Variants in PRKCE observed in about 807,000 individuals in gnomAD.
The protein encoded by PRKCE is protein kinase C epsilon type.
A neutral mutation model predicts 85.4 loss-of-function variants in PRKCE; 16 were observed. The observed-to-expected ratio is 0.19, with a 90% CI of 0.13 to 0.28. The LOEUF is 0.28. PRKCE is among the 10% of genes least tolerant of loss of function. PRKCE has a pLI of 1.00. For synonymous variants in PRKCE, 388 were observed against 371.5 expected (o/e 1.04, Z -0.51); for missense variants, 573 against 975.2 (o/e 0.59, Z 5.49).
At chr2:45,726,632 G>A (rs1040188869) in intron 1 of PRKCE, among the ~76,000 whole-genome samples, 2 of 152,160 alleles carry the variant, frequency 1.3e-5, no homozygotes, top group Non-Finnish European at 2.9e-5. Flanking sequence ...ATATTTTTAT[G>A]ACTTGCTTTA....
chr2:45,993,593 G>C (rs547445571), intron 6 of PRKCE, among the ~76,000 whole-genome samples: 7 of 152,294 alleles, frequency 4.6e-5, no homozygotes, highest in African/African-American at 1.4e-4. Context: ...CAACACCAGA[G>C]GGAGCTAGTG....
chr2:45,813,587 A>G (rs1688807563), intron 1 of PRKCE, among the ~76,000 whole-genome samples: 1 of 152,210 alleles, frequency 6.6e-6, no homozygotes, highest in South Asian at 2.1e-4. Flanking sequence ...CGTCTTTCAC[A>G]AAAGAGAAAA....
chr2:46,021,440 G>A (rs971280590), intron 10 of PRKCE, among the ~76,000 whole-genome samples: 3 of 152,194 alleles, frequency 2.0e-5, no homozygotes, highest in Non-Finnish European at 2.9e-5. Context: ...GGAGTCCAGA[G>A]GCAGTGGGGA....
chr2:45,668,991 G>C (rs1400903478), intron 1 of PRKCE, among the ~76,000 whole-genome samples: 1 of 151,958 alleles, frequency 6.6e-6, no homozygotes, highest in Non-Finnish European at 1.5e-5. Context: ...GCAACATTTG[G>C]GTTTCTTAGC....
At chr2:45,988,623 C>G (rs1408910914) in intron 6 of PRKCE, among the ~76,000 whole-genome samples, 1 of 152,196 alleles carries the variant, frequency 6.6e-6, no homozygotes, top group Non-Finnish European at 1.5e-5. Context: ...CAGAAAAATG[C>G]TGGCACAAAG....
chr2:46,052,400 A>G (rs11677820), intron 10 of PRKCE, among the ~76,000 whole-genome samples: 102,443 of 152,154 alleles, frequency 0.67, 36,741 homozygotes, highest in African/African-American at 0.92. Flanking sequence ...ATTCGCAAAG[A>G]CATCAAAAAG....
At chr2:45,962,047 A>G (rs528505660) in intron 2 of PRKCE, among the ~76,000 whole-genome samples, 8 of 152,230 alleles carry the variant, frequency 5.3e-5, no homozygotes, top group African/African-American at 1.9e-4. Context: ...CGCCTTTGCT[A>G]CCTGTTCCCA....
chr2:45,963,108 G>T (rs973114198), intron 2 of PRKCE, among the ~76,000 whole-genome samples: 3 of 152,078 alleles, frequency 2.0e-5, no homozygotes, highest in Non-Finnish European at 4.4e-5. Flanking sequence ...GTGCCCTGCC[G>T]TGGGGACTAG....
At chr2:45,883,392 C>T (rs906989980) in intron 2 of PRKCE, among the ~76,000 whole-genome samples, 2 of 152,226 alleles carry the variant, frequency 1.3e-5, no homozygotes, top group African/African-American at 4.8e-5. Context: ...CCCATTATAG[C>T]CCCTGCTGCT....
Position 45,923,241 on chromosome 2 carries a change from T to C in PRKCE, c.413-53188T>C, listed in dbSNP as rs527887635. ...TTCTAGAAAATACAGAAATTGTAAGTCCCTGGGTCCCTGGTATTGTGACAC... is the reference window on the plus strand; with the variant it reads ...TTCTAGAAAATACAGAAATTGTAAGCCCCTGGGTCCCTGGTATTGTGACAC... On this transcript the variant is annotated intron_variant, in intron 2 of 14. Coordinates refer to ENST00000306156, the MANE Select transcript of PRKCE (RefSeq NM_005400.3). Among the ~76,000 whole-genome samples, 12 of 152,310 alleles carry C rather than the reference T, an allele frequency of 7.9e-5. No individual in the cohort carries two copies. In the South Asian group the frequency reaches 2.5e-3, roughly 32 times the overall value.
chr2:45,945,377 T>C (rs1573977012), intron 2 of PRKCE, among the ~76,000 whole-genome samples: 1 of 150,682 alleles, frequency 6.6e-6, no homozygotes, highest in Non-Finnish European at 1.5e-5. Flanking sequence ...AGCGGGGAGG[T>C]GTCATACTCT....
intron 2 of PRKCE, among the ~76,000 whole-genome samples, chr2:45,950,798 G>C (rs1446182853): frequency 1.3e-5 from 2 of 152,100 alleles, no homozygotes; most frequent in Admixed American, 1.3e-4. Context: ...GAAGTGCTTG[G>C]GGACAGCAAC....
intron 1 of PRKCE, among the ~76,000 whole-genome samples, chr2:45,670,130 G>A (rs1676088669): frequency 6.6e-6 from 1 of 152,208 alleles, no homozygotes; most frequent in Non-Finnish European, 1.5e-5. Context: ...GCTAGCTGAA[G>A]AGGTGGCTCT....
At chr2:46,067,000 A>C (rs545727560) in intron 10 of PRKCE, among the ~76,000 whole-genome samples, 5 of 152,338 alleles carry the variant, frequency 3.3e-5, no homozygotes, top group African/African-American at 1.2e-4. Context: ...AGAACGGCTA[A>C]TAAAATTGTT....
At chr2:46,003,620 G>A (rs1351077985) in intron 7 of PRKCE, among the ~76,000 whole-genome samples, 1 of 152,166 alleles carries the variant, frequency 6.6e-6, no homozygotes, top group Non-Finnish European at 1.5e-5. Context: ...ACTATAAAAA[G>A]CTGAATAAGA....
intron 2 of PRKCE, among the ~76,000 whole-genome samples, chr2:45,921,510 T>A (rs1008086538): frequency 6.6e-6 from 1 of 152,254 alleles, no homozygotes; most frequent in African/African-American, 2.4e-5. Context: ...AGTTATGTAC[T>A]ATTATTGGCC....
rs372725082 is a variant in PRKCE at position 46,114,469 on chromosome 2, G to C, written c.1592+28107G>C. On this transcript the variant is annotated intron_variant, in intron 11 of 14. Coordinates refer to ENST00000306156, the MANE Select transcript of PRKCE (RefSeq NM_005400.3). ...GTCTTGCTCTGTCGCCCAGCCTGGA[G>C]TGCAGTGGCACAATGTCAGCTCACT... Among the ~76,000 whole-genome samples the C allele has an allele frequency of 1.4e-4, 18 of 130,846 alleles. No homozygotes were observed. In the East Asian group the frequency reaches 3.9e-3, roughly 29 times the overall value. 85.8% of individuals were successfully genotyped at this position (130,846 alleles called of 152,430 possible).
At chr2:45,923,593 G>A (rs1243822593) in intron 2 of PRKCE, among the ~76,000 whole-genome samples, 4 of 152,352 alleles carry the variant, frequency 2.6e-5, no homozygotes, top group East Asian at 1.9e-4. Context: ...CCTCAGCCCT[G>A]TCTTAGGTGC....
chr2:45,937,571 C>G (rs1230051840), intron 2 of PRKCE, among the ~76,000 whole-genome samples: 2 of 152,058 alleles, frequency 1.3e-5, no homozygotes, highest in Non-Finnish European at 2.9e-5. Context: ...AAAAATTAGC[C>G]AGGCCTGGTG....
Sources: gnomAD v4.1 joint callset for allele counts (sites outside exome capture counted in the v4.1 genomes callset) on GRCh38, gnomAD v4.1.1 for gene constraint, MANE v1.5 for transcripts, NCBI Gene and HGNC (gene_info 2026-07-23, HGNC 2026-07-21) for gene names.